LIPI: variants seen among roughly 807,000 people sequenced by gnomAD.
The protein encoded by LIPI is lipase member I.
A neutral mutation model predicts 50.6 loss-of-function variants in LIPI; 59 were observed. The ratio of observed to expected loss-of-function variants is 1.16; its 90% CI spans 0.94 to 1.45. The LOEUF (loss-of-function observed/expected upper bound fraction) is 1.45, where lower values mean the gene tolerates loss of function less well. LIPI is among the 40% of genes most tolerant of loss of function. LIPI has a pLI of 0.00. For missense variants in LIPI, 586 were observed against 536.3 expected, an observed-to-expected ratio of 1.09 and a Z score of -0.92; for synonymous variants, 203 against 178.2, an observed-to-expected ratio of 1.14 and a Z score of -1.11.
At chr21:14,145,722 T>C (rs1489734126) in intron 8 of LIPI, among the ~76,000 whole-genome samples, 1 of 152,070 alleles carries the variant, frequency 6.6e-6, no homozygotes, top group East Asian at 1.9e-4. Context: ...AAAAAGTTTT[T>C]TAAAAAATCA....
At chr21:14,128,771 C>A (rs1368155417) in intron 9 of LIPI, among the ~76,000 whole-genome samples, 2 of 152,060 alleles carry the variant, frequency 1.3e-5, no homozygotes, top group African/African-American at 2.4e-5. Flanking sequence ...CACTTTGGGG[C>A]AGATAACTCT....
intron 9 of LIPI, among the ~76,000 whole-genome samples, chr21:14,116,070 C>T (rs912421572): frequency 3.3e-5 from 5 of 152,070 alleles, no homozygotes; most frequent in African/African-American, 1.2e-4. Flanking sequence ...ACTCATTTCA[C>T]CTGATGAGGA....
chr21:14,186,017 G>C lies in LIPI; in HGVS notation c.485C>G (p.Ala162Gly). 6.2e-7 allele frequency: 1 copy of C among 1,607,202 alleles called. No individual in the cohort carries two copies. The highest frequency in any genetic ancestry group is 1.3e-5 in the African/African-American group (1 of 74,918). ...CTTTCCAACAAATCCACTGATATGA[G>C]CCCCTAAGCTCACACCTATGAAATG... Reference protein sequence around the residue: ...NFHFIGVSLGAHISGFVGKIF... With the variant: ...NFHFIGVSLGGHISGFVGKIF... Residue 162 changes from alanine to glycine, a missense_variant, in exon 3 of 10, where the codon GCT becomes GGT. Transcript: ENST00000681601.
intron 7 of LIPI, among the ~76,000 whole-genome samples, chr21:14,159,593 CTG>C (rs979844201): frequency 4.6e-5 from 7 of 151,158 alleles, no homozygotes; most frequent in African/African-American, 1.7e-4. Context: ...GCAAAGGTAT[CTG>C]TGCTTACCAC....
rs1021041008 is a variant in LIPI at position 14,116,280 on chromosome 21, T to C, written c.1296-7200A>G. ...GAGGTGCAGATCTCTTAGTGCAGAC[T>C]GTGTCCTCCGAGGCGAGTGTGGGAT... On this transcript the variant is annotated intron_variant, in intron 9 of 9. Coordinates refer to ENST00000681601, the MANE Select transcript of LIPI (RefSeq NM_001302998.2). 7.4e-5 allele frequency among the ~76,000 whole-genome samples: 11 copies of C among 148,688 alleles called. No individual in the cohort carries two copies. In the South Asian group the frequency reaches 8.3e-4, roughly 11 times the overall value.
rs911588494 is a variant in LIPI, at chr21:14,108,867, A to T, written c.*126T>A. On this transcript the variant is annotated 3_prime_UTR_variant, in exon 10 of 10. Coordinates refer to ENST00000681601, the MANE Select transcript of LIPI (RefSeq NM_001302998.2). ...ATTTTCTTTATTTTTGATTCTTAAA[A>T]TTTTTTCCAAGAAATAGAAATACTT... 43 of 1,172,522 alleles carry T rather than the reference A, an allele frequency of 3.7e-5. No homozygotes were observed. The highest frequency in any genetic ancestry group is 3.1e-5 in the African/African-American group (2 of 65,124). The allele number at this position is 1,172,522 out of a possible 1,614,324, so 72.6% of individuals were successfully genotyped here.
rs567189074 is a variant in LIPI at position 14,109,147 on chromosome 21, T to C, written c.1296-67A>G. 5 of 1,252,786 alleles carry C rather than the reference T, an allele frequency of 4.0e-6. No individual in the cohort carries two copies. The South Asian group carries it at 6.0e-5, about 15-fold the overall frequency. 77.6% of individuals were successfully genotyped at this position (1,252,786 alleles called of 1,614,324 possible). Reference sequence around the variant, plus strand: ...AGTAAAACAACAGAGTTGATTTCCTTCTCTCATTAATATTAGAATAGTCCA... The same window carrying C: ...AGTAAAACAACAGAGTTGATTTCCTCCTCTCATTAATATTAGAATAGTCCA... On this transcript the variant is annotated intron_variant, in intron 9 of 9. Coordinates refer to ENST00000681601, the MANE Select transcript of LIPI (RefSeq NM_001302998.2).
chr21:14,109,308 T>C (rs989307039), intron 9 of LIPI, among the ~76,000 whole-genome samples: 1 of 152,134 alleles, frequency 6.6e-6, no homozygotes, highest in African/African-American at 2.4e-5. Context: ...CTGTTTCAAC[T>C]TCTTTTCTCA....
chr21:14,148,649 C>T (rs564300722), intron 8 of LIPI, among the ~76,000 whole-genome samples: 21 of 152,282 alleles, frequency 1.4e-4, no homozygotes, highest in African/African-American at 4.6e-4. Flanking sequence ...TGCTACACTC[C>T]ATATAGCCTA....
intron 4 of LIPI, among the ~76,000 whole-genome samples, chr21:14,180,185 T>G (rs1600906652): frequency 6.6e-6 from 1 of 152,172 alleles, no homozygotes; most frequent in African/African-American, 2.4e-5. Context: ...TGGTAACTTG[T>G]GGTTGGACCA....
intron 4 of LIPI, among the ~76,000 whole-genome samples, chr21:14,174,255 G>T (rs1343708120): frequency 6.6e-6 from 1 of 152,170 alleles, no homozygotes; most frequent in Non-Finnish European, 1.5e-5. Flanking sequence ...GGGCAGCTTG[G>T]TCTGCTTAGA....
intron 1 of LIPI, among the ~76,000 whole-genome samples, chr21:14,203,519 T>C (rs941477574): frequency 1.3e-5 from 2 of 150,170 alleles, no homozygotes; most frequent in Non-Finnish European, 3.0e-5. Context: ...AAAGGATGAG[T>C]TCATGTCCTT....
intron 1 of LIPI, 135 bp downstream of exon 1, chr21:14,210,665 T>C: frequency 4.4e-6 from 1 of 227,190 alleles, no homozygotes; most frequent in Non-Finnish European, 8.2e-6. Context: ...AATAGTAATG[T>C]TTGTTATAAT....
Position 14,119,956 on chromosome 21 carries a change from C to A in LIPI, c.1296-10876G>T, listed in dbSNP as rs546270379. Among the ~76,000 whole-genome samples, 25 of 152,282 alleles carry A rather than the reference C, an allele frequency of 1.6e-4. No homozygotes were observed. The South Asian group carries it at 3.3e-3, about 20-fold the overall frequency. On this transcript the variant is annotated intron_variant, in intron 9 of 9. Transcript: ENST00000681601. ...GACGGAACAGAGAGGACATCATTGG[C>A]TCTCTAACCCTAAGATGCTAAGATA... is the stretch of plus-strand genomic sequence containing the variant.
intron 4 of LIPI, among the ~76,000 whole-genome samples, chr21:14,172,472 T>C (rs972161282): frequency 5.3e-5 from 8 of 151,658 alleles, no homozygotes; most frequent in Non-Finnish European, 7.4e-5. Flanking sequence ...AACCCAAATG[T>C]CCAACAATGA....
chr21:14,178,625 C>CA (rs1421080579), intron 4 of LIPI, among the ~76,000 whole-genome samples: 1 of 152,018 alleles, frequency 6.6e-6, no homozygotes, highest in Non-Finnish European at 1.5e-5. Flanking sequence ...ATATTAATAG[C>CA]AAAAACCACA....
rs74729793 is a variant in LIPI, at chr21:14,210,898, C to T, written c.-53G>A. 4.6e-3 allele frequency: 5,367 copies of T among 1,174,288 alleles called. 118 individuals carry two copies. In the African/African-American group the frequency reaches 0.057, roughly 12 times the overall value. 72.7% of individuals were successfully genotyped at this position (1,174,288 alleles called of 1,614,324 possible). On this transcript the variant is annotated 5_prime_UTR_variant, in exon 1 of 10. Transcript: ENST00000681601. ...ACTCAATTCACCAAAAAGGAAATTC[C>T]GTAACTCATTGAGGTTTCTCTTTGG...
chr21:14,174,585 G>A (rs2019029822), intron 4 of LIPI, among the ~76,000 whole-genome samples: 1 of 151,500 alleles, frequency 6.6e-6, no homozygotes, highest in Non-Finnish European at 1.5e-5. Flanking sequence ...ATGGAGTCTG[G>A]CTCTGTCGCC....
intron 9 of LIPI, among the ~76,000 whole-genome samples, chr21:14,115,116 C>G (rs1326029621): frequency 6.6e-6 from 1 of 152,080 alleles, no homozygotes; most frequent in Admixed American, 6.5e-5. Flanking sequence ...CCGCTCCCCA[C>G]CCCCCATAGT....
Sources: allele counts gnomAD v4.1 joint callset (sites outside exome capture counted in the v4.1 genomes callset), GRCh38; gene constraint gnomAD v4.1.1; transcripts MANE v1.5; gene names NCBI Gene and HGNC (gene_info 2026-07-23, HGNC 2026-07-21).